The following EDRF1 variants were observed in gnomAD, a reference collection of about 807,000 sequenced individuals.
EDRF1 encodes the protein erythroid differentiation-related factor 1.
A neutral mutation model predicts 148.7 loss-of-function variants in EDRF1; 69 were observed. That is an observed-to-expected ratio of 0.46 (90% CI 0.38 to 0.57). The LOEUF (loss-of-function observed/expected upper bound fraction) is 0.57, where lower values mean the gene tolerates loss of function less well. Among genes scored for constraint, EDRF1 ranks in the 20% least tolerant of loss-of-function variants. The probability of loss-of-function intolerance (pLI) is 0.00; values close to 1 mark genes in which losing one functional copy is unlikely to be tolerated. For synonymous variants in EDRF1, 515 were observed against 532.8 expected, an observed-to-expected ratio of 0.97 and a Z score of 0.46; for missense variants, 1,118 against 1,478.7, an observed-to-expected ratio of 0.76 and a Z score of 4.00.
chr10:125,761,132 T>G (rs554468941), intron 24 of EDRF1: 10 of 302,378 alleles, frequency 3.3e-5, no homozygotes, highest in African/African-American at 2.3e-4. Context: ...TAAACAAGGC[T>G]TAATAATTAA....
chr10:125,759,303 G>A (rs1189343631), intron 24 of EDRF1, among the ~76,000 whole-genome samples: 1 of 152,158 alleles, frequency 6.6e-6, no homozygotes, highest in African/African-American at 2.4e-5. Flanking sequence ...AGGTAAGGAA[G>A]GACTGTCCTT....
In EDRF1 at chr10:125,729,051, G is replaced by A; in HGVS notation, c.841G>A (p.Ala281Thr). Residue 281 changes from alanine to threonine, a missense_variant, in exon 7 of 25, where the codon GCC (alanine) becomes ACC (threonine). Ala to Thr is a moderately conservative substitution (Grantham distance 58). Transcript: ENST00000356792. ...ATACATAGTGGGGCATGTGGCCTCA[G>A]CCCCCAAAGAACAAAACCTGATTAC... Reference protein sequence around the residue: ...PSYIVGHVASAPKEQNLITLF... With the variant: ...PSYIVGHVASTPKEQNLITLF... 6.3e-7 allele frequency: 1 copy of A among 1,582,500 alleles called. No individual in the cohort carries two copies. The highest frequency in any genetic ancestry group is 1.7e-5 in the Admixed American group (1 of 57,748).
intron 24 of EDRF1, among the ~76,000 whole-genome samples, chr10:125,754,400 A>C (rs986503005): frequency 1.3e-5 from 2 of 152,170 alleles, no homozygotes; most frequent in African/African-American, 4.8e-5. Context: ...AAGGGCAAAT[A>C]CTCTGTTGTT....
chr10:125,753,980 C>G, intron 24 of EDRF1, 135 bp downstream of exon 24: 2 of 903,350 alleles, frequency 2.2e-6, no homozygotes, highest in Middle Eastern at 3.4e-4. Flanking sequence ...CTTTGGGAGG[C>G]CAAGGCAGGC....
At chr10:125,722,631 G>C (rs1848064638) in intron 2 of EDRF1, among the ~76,000 whole-genome samples, 1 of 151,828 alleles carries the variant, frequency 6.6e-6, no homozygotes, top group Admixed American at 6.6e-5. Context: ...TTTTTTAAGA[G>C]GTATTGTATA....
At chr10:125,757,766 C>T (rs1290835913) in intron 24 of EDRF1, among the ~76,000 whole-genome samples, 1 of 152,156 alleles carries the variant, frequency 6.6e-6, no homozygotes, top group Non-Finnish European at 1.5e-5. Context: ...TGTCTCTGGC[C>T]TGTGTGTTTT....
chr10:125,719,713 C>G lies in EDRF1; in HGVS notation c.-95C>G, dbSNP rs1180410752. ...CCTGGCAGAGACCGGAAGTGCGGTC[C>G]GCGGAGCGTCTCTGGCGCTTACCCT... On this transcript the variant is annotated 5_prime_UTR_variant, in exon 1 of 25. Coordinates refer to ENST00000356792, the MANE Select transcript of EDRF1 (RefSeq NM_001202438.2). The G allele has an allele frequency of 1.1e-6, 1 of 895,396 alleles. No individual in the cohort carries two copies. Among genetic ancestry groups the G allele is most frequent in the Admixed American group, 3.0e-5 (1 of 33,276 alleles). The allele number at this position is 895,396 out of a possible 1,614,324, so 55.5% of individuals were successfully genotyped here.
chr10:125,757,142 AC>A, intron 24 of EDRF1: 1 of 343,264 alleles, frequency 2.9e-6, no homozygotes, highest in Non-Finnish European at 5.6e-6. Context: ...ATCCAGTCTT[AC>A]AATTGGTGTC....
intron 18 of EDRF1, chr10:125,745,470 A>G (rs976419951): frequency 2.1e-5 from 12 of 565,972 alleles, no homozygotes; most frequent in African/African-American, 1.9e-4. Context: ...GACCTGTCCT[A>G]AATACAGTCA....
At chr10:125,760,261 A>T (rs1850131975) in intron 24 of EDRF1, among the ~76,000 whole-genome samples, 1 of 152,238 alleles carries the variant, frequency 6.6e-6, no homozygotes, top group South Asian at 2.1e-4. Context: ...CATGAGAAAA[A>T]GTGATTCATT....
intron 13 of EDRF1, among the ~76,000 whole-genome samples, chr10:125,737,606 A>T (rs1267980887): frequency 1.3e-5 from 2 of 152,222 alleles, no homozygotes; most frequent in Non-Finnish European, 2.9e-5. Flanking sequence ...AATATTGGTG[A>T]TACTTGTTAT....
rs780373128 is a variant in EDRF1 at position 125,723,152 on chromosome 10, C to T, written c.384+18C>T. 3.1e-6 allele frequency: 5 copies of T among 1,610,476 alleles called. No individual in the cohort carries two copies. Among genetic ancestry groups the T allele is most frequent in the Non-Finnish European group, 4.2e-6 (5 of 1,176,876 alleles). On this transcript the variant is annotated intron_variant, in intron 3 of 24. Transcript: ENST00000356792. ...ACTCTGAAGTAAGTGTTATTTGTCG[C>T]TTAATGTAATTTTGGAGGTGTTTTG... is the stretch of plus-strand genomic sequence containing the variant.
chr10:125,725,222 C>CA, intron 4 of EDRF1, 96 bp from the exon 5 acceptor site: 1 of 1,440,380 alleles, frequency 6.9e-7, no homozygotes, highest in South Asian at 1.2e-5. Context: ...TGAAACTATT[C>CA]AAAAAATAAT....
chr10:125,743,970 G>C (rs1159894562), intron 18 of EDRF1, among the ~76,000 whole-genome samples: 1 of 152,212 alleles, frequency 6.6e-6, no homozygotes, highest in African/African-American at 2.4e-5. Context: ...GGCCCATGTT[G>C]AATTTGAGTT....
chr10:125,739,951 A>G (rs527366885), intron 15 of EDRF1, among the ~76,000 whole-genome samples: 1 of 152,330 alleles, frequency 6.6e-6, no homozygotes. Flanking sequence ...TTGTAGAGGA[A>G]ACAGTAAACT....
intron 6 of EDRF1, among the ~76,000 whole-genome samples, chr10:125,728,700 G>T (rs1848370977): frequency 6.6e-6 from 1 of 152,174 alleles, no homozygotes; most frequent in Non-Finnish European, 1.5e-5. Flanking sequence ...AGAGTAGGCT[G>T]AAAGAGCAGT....
chr10:125,760,628 T>A (rs1850152246), intron 24 of EDRF1, among the ~76,000 whole-genome samples: 2 of 152,234 alleles, frequency 1.3e-5, no homozygotes. Context: ...TGAAAACATC[T>A]ATAATTTTAT....
Position 125,752,796 on chromosome 10 carries a change from T to C in EDRF1, c.3278-3T>C. The C allele has an allele frequency of 6.9e-6, 11 of 1,592,344 alleles. No individual in the cohort carries two copies. The highest frequency in any genetic ancestry group is 9.5e-6 in the Non-Finnish European group (11 of 1,160,374). ...AATGAACGTTTTGTATTTAAAACTT[T>C]AGGTCAGAATAGCAATGTTGGAAAG... On this transcript the variant is annotated splice_polypyrimidine_tract_variant and splice_region_variant and intron_variant, in intron 22 of 24. Coordinates refer to ENST00000356792, the MANE Select transcript of EDRF1 (RefSeq NM_001202438.2).
intron 3 of EDRF1, 41 bp from the exon 4 acceptor site, chr10:125,723,770 A>T (rs774791388): frequency 6.3e-7 from 1 of 1,582,698 alleles, no homozygotes. Flanking sequence ...AATCACACTA[A>T]AACAGTCTTT....
Sources: allele counts gnomAD v4.1 joint callset (sites outside exome capture counted in the v4.1 genomes callset), GRCh38; gene constraint gnomAD v4.1.1; transcripts MANE v1.5; gene names NCBI Gene and HGNC (gene_info 2026-07-23, HGNC 2026-07-21).